The following TTC7A variants were observed in gnomAD, a reference collection of about 807,000 sequenced individuals.
The protein encoded by TTC7A is tetratricopeptide repeat domain 7A, also known as tetratricopeptide repeat protein 7A.
A neutral mutation model predicts 103.7 loss-of-function variants in TTC7A; 110 were observed. The observed-to-expected ratio is 1.06, with a 90% CI of 0.91 to 1.24. TTC7A has a LOEUF of 1.24. TTC7A is among the 50% of genes most tolerant of loss of function. The pLI is 0.00. For synonymous variants in TTC7A, 521 were observed against 467.9 expected (o/e 1.11, Z -1.47); for missense variants, 1,340 against 1,116.3 (o/e 1.20, Z -2.86).
chr2:46,947,588 G>A (rs767808551), intron 1 of TTC7A, among the ~76,000 whole-genome samples: 1 of 152,068 alleles, frequency 6.6e-6, no homozygotes, highest in Non-Finnish European at 1.5e-5. Flanking sequence ...GTGGTGGTGC[G>A]TGCCTGTAGT....
chr2:47,013,346 G>C (rs10196993), intron 11 of TTC7A, among the ~76,000 whole-genome samples: 14,093 of 152,234 alleles, frequency 0.093, 1,008 homozygotes, highest in African/African-American at 0.2. Context: ...TTCAGATACA[G>C]GTGGCCCATG....
intron 15 of TTC7A, among the ~76,000 whole-genome samples, chr2:47,036,404 C>T (rs1219197444): frequency 2.0e-5 from 3 of 152,186 alleles, no homozygotes; most frequent in African/African-American, 7.2e-5. Flanking sequence ...GATTAGAGGA[C>T]ATGGGTCAGT....
At chr2:47,048,543 C>T (rs1483635539) in intron 16 of TTC7A, among the ~76,000 whole-genome samples, 1 of 152,170 alleles carries the variant, frequency 6.6e-6, no homozygotes, top group Non-Finnish European at 1.5e-5. Context: ...TGCCAAGGGT[C>T]ACAAAGCTGA....
intron 2 of TTC7A, among the ~76,000 whole-genome samples, chr2:46,928,977 A>G (rs113127977): frequency 0.027 from 4,180 of 152,270 alleles, 112 homozygotes; most frequent in African/African-American, 0.067. Context: ...AGCCTGGCCA[A>G]CATGGCAAAA....
At chr2:47,017,131 C>G (rs1008206390) in intron 11 of TTC7A, among the ~76,000 whole-genome samples, 2 of 138,072 alleles carry the variant, frequency 1.4e-5, no homozygotes, top group Admixed American at 1.6e-4. Flanking sequence ...ACCCAGGAGT[C>G]GGAGGTTGCA....
At position 47,007,784 on chromosome 2, in the gene TTC7A, A is replaced by G. The variant is rs1677578960; in HGVS notation, c.1287+1060A>G. On this transcript the variant is annotated intron_variant, in intron 10 of 19. Coordinates refer to ENST00000319190, the MANE Select transcript of TTC7A (RefSeq NM_020458.4). This position sits in a 1 kb window ranked among gnomAD's most constrained non-coding sequence, Gnocchi z 4.9. ...ATCTGCTGGGCATGTGTCTTTCCAA[A>G]CCTCTCTCCTCTCCCCCATCACATC... is the stretch of plus-strand genomic sequence containing the variant. Among the ~76,000 whole-genome samples, 1 of 151,638 alleles carries G rather than the reference A, an allele frequency of 6.6e-6. No individual in the cohort carries two copies.
chr2:47,029,423 G>A (rs376974060), intron 15 of TTC7A, 39 bp downstream of exon 15: 103 of 1,609,282 alleles, frequency 6.4e-5, no homozygotes, highest in Non-Finnish European at 8.0e-5. Flanking sequence ...GGGGGAGCTG[G>A]CTGGCCTCTG....
upstream of TTC7A, among the ~76,000 whole-genome samples, chr2:46,940,590 C>T (rs968581117): frequency 6.6e-6 from 1 of 152,256 alleles, no homozygotes; most frequent in African/African-American, 2.4e-5. The surrounding 1 kb of genome is among the most constrained non-coding windows in gnomAD (Gnocchi z 4.7). Context: ...GGTGGTGAAA[C>T]AGCCTAAAGC....
In TTC7A at chr2:47,007,198, G is replaced by A. The variant is rs556170496; in HGVS notation, c.1287+474G>A. ...AACAGCAGCACCCACAAGGGAGTTC[G>A]GAGGGAGTACTGCATGATGCATGGG... On this transcript the variant is annotated intron_variant, in intron 10 of 19. Coordinates refer to ENST00000319190, the MANE Select transcript of TTC7A (RefSeq NM_020458.4). This position sits in a 1 kb window ranked among gnomAD's most constrained non-coding sequence, Gnocchi z 4.9. Among the ~76,000 whole-genome samples the A allele has an allele frequency of 9.2e-5, 14 of 152,206 alleles. No homozygotes were observed. In the South Asian group the frequency reaches 1.2e-3, roughly 14 times the overall value.
chr2:47,046,367 G>A lies in TTC7A; in HGVS notation c.1855G>A (p.Ala619Thr). ...GCAGGTGCTGAAAGGCCCAGAGGAA[G>A]CCCTCGTGACCTGCAGACAAGTGCT... Reference protein sequence around the residue: ...LEQVLKGPEEALVTCRQVLRL... With the variant: ...LEQVLKGPEETLVTCRQVLRL... The change falls in exon 16 of 20, where the codon GCC becomes ACC. Residue 619 changes from alanine (A) to threonine (T), a missense_variant. Coordinates refer to ENST00000319190, the MANE Select transcript of TTC7A (RefSeq NM_020458.4). 1 of 1,614,214 alleles carries A rather than the reference G, an allele frequency of 6.2e-7. No homozygotes were observed. The highest frequency in any genetic ancestry group is 8.5e-7 in the Non-Finnish European group (1 of 1,180,040).
chr2:46,965,721 C>T (rs373354818), intron 3 of TTC7A, among the ~76,000 whole-genome samples: 3 of 151,960 alleles, frequency 2.0e-5, no homozygotes, highest in Non-Finnish European at 1.5e-5. Context: ...ACTACCATAC[C>T]CTGCTAATTT....
intron 15 of TTC7A, among the ~76,000 whole-genome samples, chr2:47,043,993 G>A (rs892224730): frequency 2.0e-5 from 3 of 152,160 alleles, no homozygotes; most frequent in South Asian, 2.1e-4. Context: ...CAGAGGGCCC[G>A]GGGAATGCAG....
intron 12 of TTC7A, among the ~76,000 whole-genome samples, chr2:47,022,464 G>A (rs1325688917): frequency 6.6e-6 from 1 of 152,162 alleles, no homozygotes; most frequent in Non-Finnish European, 1.5e-5. Context: ...AACTACTTGT[G>A]CTCGGCTAAT....
intron 3 of TTC7A, among the ~76,000 whole-genome samples, chr2:46,973,559 A>C (rs967208111): frequency 1.3e-5 from 2 of 152,234 alleles, no homozygotes; most frequent in African/African-American, 4.8e-5. Context: ...AAGCCTGTAC[A>C]CAAAGTCATA....
chr2:47,023,857 A>G (rs935653175), intron 13 of TTC7A, among the ~76,000 whole-genome samples: 2 of 75,664 alleles, frequency 2.6e-5, no homozygotes, highest in African/African-American at 1.0e-4. Context: ...CACCCCTCCC[A>G]CTAAACCCAC....
chr2:47,041,131 C>T (rs1042456830), intron 15 of TTC7A, among the ~76,000 whole-genome samples: 12 of 152,338 alleles, frequency 7.9e-5, no homozygotes, highest in African/African-American at 2.6e-4. Flanking sequence ...ATCTGGAGCC[C>T]ACTGTTCCTC....
Position 46,965,291 on chromosome 2 carries a change from T to C in TTC7A, c.517+8284T>C, listed in dbSNP as rs561252846. 7.9e-5 allele frequency among the ~76,000 whole-genome samples: 12 copies of C among 152,288 alleles called. No individual in the cohort carries two copies. The South Asian group carries it at 2.5e-3, about 32-fold the overall frequency. On this transcript the variant is annotated intron_variant, in intron 3 of 19. Transcript: ENST00000319190. ...CCAGGACAGGATATGATAGCATACT[T>C]GGTTTTTGTGTTTTTAGCCCTGGTA... is the stretch of plus-strand genomic sequence containing the variant.
At chr2:46,969,281 A>C (rs2104165129) in intron 3 of TTC7A, among the ~76,000 whole-genome samples, 1 of 151,730 alleles carries the variant, frequency 6.6e-6, no homozygotes. Context: ...AGGCGGGTGG[A>C]TCACGAGGTC....
chr2:46,927,884 GTTTTTTTTTTTT>G (rs566447236), intron 2 of TTC7A, among the ~76,000 whole-genome samples: 5 of 73,306 alleles, frequency 6.8e-5, no homozygotes, highest in East Asian at 3.8e-4. Flanking sequence ...TTTTTTTGGT[GTTTTTTTTTTTT>G]TTTTTTTTTT....
Sources: allele counts gnomAD v4.1 joint callset (sites outside exome capture counted in the v4.1 genomes callset), GRCh38; gene constraint gnomAD v4.1.1; non-coding constraint Gnocchi (gnomAD v3.1); transcripts MANE v1.5; gene names NCBI Gene and HGNC (gene_info 2026-07-23, HGNC 2026-07-21).